The following TMEM87A variants were observed in gnomAD, a reference collection of about 807,000 sequenced individuals.
The protein encoded by TMEM87A is Golgi-pH regulating cation channel.
In TMEM87A, 50 loss-of-function variants were observed where a neutral mutation model predicts 90.0. The ratio of observed to expected loss-of-function variants is 0.56; its 90% CI spans 0.44 to 0.70. TMEM87A has a LOEUF of 0.70. Among genes scored for constraint, TMEM87A ranks in the 30% least tolerant of loss-of-function variants. The probability of loss-of-function intolerance (pLI) is 0.00; values close to 1 mark genes in which losing one functional copy is unlikely to be tolerated. For missense variants in TMEM87A, 577 were observed against 660.5 expected (o/e 0.87, Z 1.39); for synonymous variants, 226 against 226.7 (o/e 1.00, Z 0.03).
intron 6 of TMEM87A, among the ~76,000 whole-genome samples, chr15:42,251,490 G>C (rs1290232855): frequency 6.6e-6 from 1 of 152,164 alleles, no homozygotes; most frequent in Non-Finnish European, 1.5e-5. Flanking sequence ...TTCCTTCTAA[G>C]AGTCAGGTCC....
chr15:42,230,138 A>G (rs1243373100), intron 12 of TMEM87A, among the ~76,000 whole-genome samples: 1 of 152,200 alleles, frequency 6.6e-6, no homozygotes, highest in Non-Finnish European at 1.5e-5. Context: ...AATTTTCAGA[A>G]TGAGAAGCAG....
Position 42,227,759 on chromosome 15 carries a change from C to T in TMEM87A, c.1251G>A (p.Val417=). 1 of 1,613,894 alleles carries T rather than the reference C, an allele frequency of 6.2e-7. No homozygotes were observed. The highest frequency in any genetic ancestry group is 8.5e-7 in the Non-Finnish European group (1 of 1,179,902). The change falls in exon 14 of 20, where the codon GTG becomes GTA. Residue 417 remains valine, a synonymous_variant. Transcript: ENST00000389834. Reference sequence around the variant, plus strand: ...ACTTCATGGTTGTCCAGATGATAAACACAATGGATGCTAACAGTAAATGAA... The same window carrying T: ...ACTTCATGGTTGTCCAGATGATAAATACAATGGATGCTAACAGTAAATGAA... ...TLILAVAASI[V]FIIWTTMKFR...
chr15:42,264,903 GATC>G (rs2051372313), intron 3 of TMEM87A, among the ~76,000 whole-genome samples: 1 of 151,684 alleles, frequency 6.6e-6, no homozygotes, highest in Non-Finnish European at 1.5e-5. Context: ...CCCTCTTTGT[GATC>G]ATGTGTTCTC....
intron 6 of TMEM87A, among the ~76,000 whole-genome samples, chr15:42,245,763 C>A (rs1263042581): frequency 6.6e-6 from 1 of 152,012 alleles, no homozygotes; most frequent in East Asian, 1.9e-4. Flanking sequence ...AACTCCTGAC[C>A]TCAGGTGATC....
chr15:42,223,056 C>T (rs749472327), intron 15 of TMEM87A, among the ~76,000 whole-genome samples: 1 of 152,272 alleles, frequency 6.6e-6, no homozygotes, highest in East Asian at 1.9e-4. Flanking sequence ...ATATGCAATA[C>T]TTAGAACAAA....
intron 15 of TMEM87A, among the ~76,000 whole-genome samples, chr15:42,221,943 T>C (rs148229622): frequency 2.0e-5 from 3 of 152,010 alleles, no homozygotes; most frequent in Admixed American, 2.0e-4. Flanking sequence ...TTTGTAGAAA[T>C]GGGATCTTGC....
intron 13 of TMEM87A, 31 bp downstream of exon 13, chr15:42,228,681 T>G: frequency 6.3e-7 from 1 of 1,578,386 alleles, no homozygotes; most frequent in Non-Finnish European, 8.7e-7. Flanking sequence ...CAGATCACAT[T>G]TGAACTCCAA....
chr15:42,223,970 C>T (rs925729075), intron 15 of TMEM87A, among the ~76,000 whole-genome samples: 9 of 152,210 alleles, frequency 5.9e-5, no homozygotes, highest in Non-Finnish European at 1.2e-4. Flanking sequence ...ACAATCTACA[C>T]ATATCCTTCA....
intron 3 of TMEM87A, 60 bp from the exon 4 acceptor site, chr15:42,264,263 G>T: frequency 8.6e-7 from 1 of 1,168,632 alleles, no homozygotes; most frequent in Non-Finnish European, 1.3e-6. Context: ...GATACTAAGA[G>T]CACAGCACAA....
intron 1 of TMEM87A, among the ~76,000 whole-genome samples, 188 bp from the exon 2 acceptor site, chr15:42,272,311 T>C (rs749461762): frequency 1.7e-4 from 26 of 152,228 alleles, no homozygotes; most frequent in Non-Finnish European, 2.8e-4. Context: ...TAATGAACTA[T>C]TCTGTGTGCA....
intron 15 of TMEM87A, among the ~76,000 whole-genome samples, chr15:42,223,731 T>A (rs148750689): frequency 6.6e-6 from 1 of 152,224 alleles, no homozygotes; most frequent in East Asian, 1.9e-4. Context: ...CAGCTGAAAA[T>A]GGACAGAGAC....
chr15:42,228,709 T>C lies in TMEM87A; in HGVS notation c.1240+3A>G, dbSNP rs528179991. ...AACTCCAAGAAGAAAGTCCCAGACT[T>C]ACCTGCCACTGCCAAAATAAGCGTG... is the stretch of plus-strand genomic sequence containing the variant. On this transcript the variant is annotated splice_donor_region_variant and intron_variant, in intron 13 of 19. Transcript: ENST00000389834. 9.3e-6 allele frequency: 15 copies of C among 1,612,742 alleles called. No homozygotes were observed. The Admixed American group carries it at 1.3e-4, about 14-fold the overall frequency.
At chr15:42,268,082 A>C (rs1386364518) in intron 2 of TMEM87A, 50 bp from the exon 3 acceptor site, 2 of 1,517,542 alleles carry the variant, frequency 1.3e-6, no homozygotes, top group Admixed American at 1.7e-5. Flanking sequence ...CCAACAAAGC[A>C]TTTTTCCTAA....
At chr15:42,217,763 C>T in intron 19 of TMEM87A, 40 bp downstream of exon 19, 5 of 1,599,664 alleles carry the variant, frequency 3.1e-6, no homozygotes, top group East Asian at 2.2e-5. Flanking sequence ...TCTATTTAGT[C>T]ACCATATACA....
intron 6 of TMEM87A, among the ~76,000 whole-genome samples, chr15:42,248,693 T>A (rs2051025391): frequency 6.6e-6 from 1 of 152,232 alleles, no homozygotes; most frequent in African/African-American, 2.4e-5. Context: ...GCAAGTATTT[T>A]ATTGAGGATT....
At chr15:42,219,778 T>G in intron 16 of TMEM87A, 136 bp from the exon 17 acceptor site, 1 of 688,780 alleles carries the variant, frequency 1.5e-6, no homozygotes, top group Non-Finnish European at 2.4e-6. Context: ...TTAAGCTTCC[T>G]AATACTTGTG....
chr15:42,212,538 G>A (rs1346113336), intron 19 of TMEM87A, among the ~76,000 whole-genome samples: 2 of 152,052 alleles, frequency 1.3e-5, no homozygotes, highest in African/African-American at 4.8e-5. Flanking sequence ...ATCATACTGG[G>A]AATTTTTCTT....
intron 3 of TMEM87A, among the ~76,000 whole-genome samples, chr15:42,264,699 A>ATATATATATATATTTTTTT (rs10681614): frequency 6.1e-4 from 67 of 109,428 alleles, no homozygotes; most frequent in African/African-American, 1.9e-3. Context: ...ATATATATAT[A>ATATATATATATATTTTTTT]TTTTTTTTTT....
chr15:42,266,586 T>C (rs528001534), intron 3 of TMEM87A, among the ~76,000 whole-genome samples: 25 of 151,964 alleles, frequency 1.6e-4, no homozygotes, highest in Non-Finnish European at 2.9e-4. Flanking sequence ...ACAAAAGCAA[T>C]AGTGGGTAAA....
Sources: allele counts gnomAD v4.1 joint callset (sites outside exome capture counted in the v4.1 genomes callset), GRCh38; gene constraint gnomAD v4.1.1; transcripts MANE v1.5; gene names NCBI Gene and HGNC (gene_info 2026-07-23, HGNC 2026-07-21).